GALNTL6: variants seen among roughly 807,000 people sequenced by gnomAD.
The protein encoded by GALNTL6 is polypeptide N-acetylgalactosaminyltransferase like 6.
A neutral mutation model predicts 73.7 loss-of-function variants in GALNTL6; 46 were observed. The observed-to-expected ratio is 0.62, with a 90% CI of 0.49 to 0.80. The LOEUF (loss-of-function observed/expected upper bound fraction) is 0.80. Among genes scored for constraint, GALNTL6 ranks in the 30% least tolerant of loss-of-function variants. GALNTL6 has a pLI of 0.00. For missense variants in GALNTL6, 604 were observed against 755.0 expected (o/e 0.80, Z 2.34); for synonymous variants, 259 against 263.7 (o/e 0.98, Z 0.17).
At chr4:172,722,228 G>A (rs913565888) in intron 5 of GALNTL6, among the ~76,000 whole-genome samples, 1 of 152,048 alleles carries the variant, frequency 6.6e-6, no homozygotes, top group Non-Finnish European at 1.5e-5. Flanking sequence ...CAATACTCTA[G>A]CCCAGGTTTA....
intron 2 of GALNTL6, among the ~76,000 whole-genome samples, chr4:172,201,230 C>T (rs953283143): frequency 2.0e-5 from 3 of 149,544 alleles, no homozygotes; most frequent in Non-Finnish European, 4.4e-5. Flanking sequence ...TGTTTTGAGA[C>T]GGGGTCTTGC....
At chr4:172,667,124 A>G (rs1015603909) in intron 5 of GALNTL6, 1 of 152,200 alleles carries the variant, frequency 6.6e-6, no homozygotes, top group African/African-American at 2.4e-5. Context: ...TTTCCCTATC[A>G]TGTCCACATC....
intron 5 of GALNTL6, among the ~76,000 whole-genome samples, chr4:172,588,870 C>T (rs1737528393): frequency 6.6e-6 from 1 of 152,112 alleles, no homozygotes; most frequent in Admixed American, 6.5e-5. Flanking sequence ...AGAAATAGCT[C>T]TAACCATAAT....
intron 5 of GALNTL6, among the ~76,000 whole-genome samples, chr4:172,398,425 A>G (rs1224551969): frequency 6.6e-6 from 1 of 152,190 alleles, no homozygotes; most frequent in Non-Finnish European, 1.5e-5. Context: ...CCTTTTTCAT[A>G]TCTCATTCAG....
intron 5 of GALNTL6, among the ~76,000 whole-genome samples, chr4:172,607,009 TG>T (rs891726538): frequency 6.6e-6 from 1 of 151,860 alleles, no homozygotes; most frequent in African/African-American, 2.4e-5. Context: ...TAGTAGTCAG[TG>T]GGAATGTATG....
At chr4:172,552,626 C>T (rs535160669) in intron 5 of GALNTL6, among the ~76,000 whole-genome samples, 4 of 151,962 alleles carry the variant, frequency 2.6e-5, no homozygotes, top group South Asian at 2.1e-4. Context: ...AACATGTCTA[C>T]CCGCTCTATA....
chr4:172,045,310 G>C (rs1239621357), intron 2 of GALNTL6, among the ~76,000 whole-genome samples: 3 of 151,874 alleles, frequency 2.0e-5, no homozygotes, highest in Non-Finnish European at 2.9e-5. Flanking sequence ...AATGCAAAAG[G>C]AGCTCCACAA....
At chr4:172,128,021 C>G (rs1320051833) in intron 2 of GALNTL6, among the ~76,000 whole-genome samples, 1 of 151,958 alleles carries the variant, frequency 6.6e-6, no homozygotes, top group East Asian at 1.9e-4. Context: ...AGGAGAATCG[C>G]TTGAACTTGG....
chr4:172,100,626 A>T (rs1266370287), intron 2 of GALNTL6, among the ~76,000 whole-genome samples: 1 of 152,198 alleles, frequency 6.6e-6, no homozygotes, highest in African/African-American at 2.4e-5. Flanking sequence ...ATCATGTTCC[A>T]GGCATAGTGT....
chr4:172,740,624 T>C (rs1736742657), intron 5 of GALNTL6, among the ~76,000 whole-genome samples: 2 of 152,164 alleles, frequency 1.3e-5, no homozygotes, highest in African/African-American at 2.4e-5. Flanking sequence ...GCTCTACTTG[T>C]TTCAGCTCTC....
At chr4:172,465,950 C>G (rs913429210) in intron 5 of GALNTL6, among the ~76,000 whole-genome samples, 1 of 152,128 alleles carries the variant, frequency 6.6e-6, no homozygotes, top group African/African-American at 2.4e-5. Flanking sequence ...GTTTCCCATC[C>G]TAAAAGTCAG....
intron 5 of GALNTL6, among the ~76,000 whole-genome samples, chr4:172,587,432 C>T (rs747125876): frequency 6.6e-6 from 1 of 152,044 alleles, no homozygotes. Flanking sequence ...AACATGAACC[C>T]GATCATGTCA....
At chr4:172,099,512 C>A (rs1396286969) in intron 2 of GALNTL6, among the ~76,000 whole-genome samples, 1 of 152,012 alleles carries the variant, frequency 6.6e-6, no homozygotes, top group East Asian at 1.9e-4. Flanking sequence ...TGCCCTTTTC[C>A]AACAAAGACC....
intron 4 of GALNTL6, among the ~76,000 whole-genome samples, chr4:172,313,784 GA>G (rs889923090): frequency 4.0e-5 from 6 of 151,876 alleles, no homozygotes; most frequent in Non-Finnish European, 7.4e-5. Context: ...CATGTAGTAA[GA>G]AAAAAAGAAA....
rs201281765 is a variant in GALNTL6 at position 173,031,021 on chromosome 4, A to AAT, written c.1639-8912_1639-8911insAT. Among the ~76,000 whole-genome samples the AAT allele has an allele frequency of 8.8e-3, 1,342 of 151,846 alleles. 23 individuals carry two copies. Among genetic ancestry groups the AAT allele is most frequent in the African/African-American group, 0.031 (1,284 of 41,334 alleles). On this transcript the variant is annotated intron_variant, in intron 12 of 12. Coordinates refer to ENST00000506823, the MANE Select transcript of GALNTL6 (RefSeq NM_001034845.3). ...CCTGTCTCAAGAAAAGAAAAGAGAG[A>AAT]GAGAGAGAGAGAGAGAGCACAGGCT...
intron 9 of GALNTL6, among the ~76,000 whole-genome samples, chr4:172,949,223 G>A (rs1467326292): frequency 6.6e-6 from 1 of 152,118 alleles, no homozygotes; most frequent in African/African-American, 2.4e-5. Context: ...ACACGTTTCT[G>A]GAACCACACA....
chr4:172,246,292 A>G (rs898761699), intron 3 of GALNTL6, among the ~76,000 whole-genome samples: 2 of 152,128 alleles, frequency 1.3e-5, no homozygotes, highest in African/African-American at 2.4e-5. Flanking sequence ...TTAATTTAAT[A>G]GACATTTACC....
intron 10 of GALNTL6, among the ~76,000 whole-genome samples, chr4:172,996,367 A>G (rs1751780825): frequency 6.6e-6 from 1 of 152,080 alleles, no homozygotes; most frequent in Non-Finnish European, 1.5e-5. Context: ...AGAGGGGAAC[A>G]GCACACACCG....
In GALNTL6 at chr4:172,813,659, A is replaced by G; in HGVS notation, c.859A>G (p.Met287Val). The G allele has an allele frequency of 1.2e-6, 2 of 1,613,448 alleles. No individual in the cohort carries two copies. Among genetic ancestry groups the G allele is most frequent in the Non-Finnish European group, 1.7e-6 (2 of 1,179,556 alleles). ...CATGCGAGGAGCCTTCGACTGGGAA[A>G]TGTACTACAAAAGAATCCCCATCCC... ...DAMRGAFDWE[M>V]YYKRIPIPPE... is the part of the protein sequence containing the mutation. The change falls in exon 7 of 13, where the codon ATG becomes GTG. Residue 287 changes from methionine to valine, a missense_variant. Coordinates refer to ENST00000506823, the MANE Select transcript of GALNTL6 (RefSeq NM_001034845.3).
Sources: allele counts gnomAD v4.1 joint callset (sites outside exome capture counted in the v4.1 genomes callset), GRCh38; gene constraint gnomAD v4.1.1; transcripts MANE v1.5; gene names NCBI Gene and HGNC (gene_info 2026-07-23, HGNC 2026-07-21).